ANO1: variants seen among roughly 807,000 people sequenced by gnomAD.
The protein encoded by ANO1 is anoctamin-1.
In ANO1, 59 loss-of-function variants were observed where a neutral mutation model predicts 124.0. That is an observed-to-expected ratio of 0.48 (90% CI 0.39 to 0.59). The LOEUF (loss-of-function observed/expected upper bound fraction) is 0.59. Among genes scored for constraint, ANO1 ranks in the 20% least tolerant of loss-of-function variants. The pLI, the probability that ANO1 is intolerant of heterozygous loss-of-function variation, is 0.00. For synonymous variants in ANO1, 529 were observed against 532.0 expected, an observed-to-expected ratio of 0.99 and a Z score of 0.08; for missense variants, 1,059 against 1,328.0, an observed-to-expected ratio of 0.80 and a Z score of 3.15.
chr11:70,184,103 A>G (rs2049022644), intron 24 of ANO1, among the ~76,000 whole-genome samples: 1 of 152,202 alleles, frequency 6.6e-6, no homozygotes, highest in African/African-American at 2.4e-5. Flanking sequence ...CAACAGGGGC[A>G]CAAACGGCCC....
At chr11:70,144,964 C>T (rs994459408) in intron 11 of ANO1, among the ~76,000 whole-genome samples, 14 of 152,170 alleles carry the variant, frequency 9.2e-5, no homozygotes, top group Non-Finnish European at 1.8e-4. Flanking sequence ...GGGAAAGCAC[C>T]GTGTCCAGCG....
chr11:70,151,674 C>T (rs994842409), intron 12 of ANO1, among the ~76,000 whole-genome samples: 1 of 152,058 alleles, frequency 6.6e-6, no homozygotes, highest in Non-Finnish European at 1.5e-5. Context: ...CCAAGGAGCC[C>T]GAATGAATTT....
chr11:70,006,068 G>A (rs1554999984), intron 1 of ANO1, among the ~76,000 whole-genome samples: 1 of 152,158 alleles, frequency 6.6e-6, no homozygotes, highest in African/African-American at 2.4e-5. Flanking sequence ...TGTGGGAAGA[G>A]ACATCTTCAG....
At chr11:70,003,346 A>G (rs1856420541) in intron 1 of ANO1, among the ~76,000 whole-genome samples, 1 of 152,192 alleles carries the variant, frequency 6.6e-6, no homozygotes, top group African/African-American at 2.4e-5. Flanking sequence ...CCTGTGGAAA[A>G]CAAGCTGTCT....
chr11:70,129,693 G>T (rs2515269), intron 10 of ANO1: 60,814 of 150,194 alleles, frequency 0.4, 13,306 homozygotes, highest in East Asian at 0.51. Flanking sequence ...GTGTGATCTC[G>T]ACTCAATGCA....
chr11:70,059,064 C>T (rs545096775), intron 1 of ANO1, among the ~76,000 whole-genome samples: 26 of 151,008 alleles, frequency 1.7e-4, no homozygotes, highest in African/African-American at 5.1e-4. Flanking sequence ...TGGTGGCGGG[C>T]GCCTGCAGTC....
At chr11:70,157,993 A>C (rs1302938185) in intron 16 of ANO1, among the ~76,000 whole-genome samples, 1 of 151,990 alleles carries the variant, frequency 6.6e-6, no homozygotes, top group Admixed American at 6.5e-5. Flanking sequence ...AAAAAAAAAA[A>C]AAAAAAAAAC....
chr11:70,111,187 G>A, intron 6 of ANO1: 1 of 457,816 alleles, frequency 2.2e-6, no homozygotes, highest in Non-Finnish European at 4.4e-6. Flanking sequence ...AATGTGGGAA[G>A]TATGGTAAGT....
At chr11:70,021,857 T>G (rs1403750792) in intron 1 of ANO1, among the ~76,000 whole-genome samples, 2 of 152,150 alleles carry the variant, frequency 1.3e-5, no homozygotes, top group African/African-American at 4.8e-5. Context: ...GGCAGGAGCG[T>G]GCGAACTGAA....
chr11:70,099,837 ACCACACAG>A (rs1379889614), intron 2 of ANO1, among the ~76,000 whole-genome samples: 4 of 152,112 alleles, frequency 2.6e-5, no homozygotes, highest in Admixed American at 2.6e-4. Context: ...CTCTGTGGAA[ACCACACAG>A]GGGCAGGGCA....
chr11:70,059,108 T>G (rs1591063654), intron 1 of ANO1, among the ~76,000 whole-genome samples: 1 of 145,896 alleles, frequency 6.9e-6, no homozygotes, highest in Admixed American at 6.8e-5. Flanking sequence ...AGGAGAATGG[T>G]GTGAACCAGG....
chr11:70,176,347 A>G (rs943914999), intron 22 of ANO1, among the ~76,000 whole-genome samples: 8 of 152,054 alleles, frequency 5.3e-5, no homozygotes, highest in East Asian at 1.9e-4. Flanking sequence ...AGGTTTCACC[A>G]TGTTGGCCAG....
At chr11:70,025,369 T>C (rs1856874846) in intron 1 of ANO1, among the ~76,000 whole-genome samples, 1 of 152,104 alleles carries the variant, frequency 6.6e-6, no homozygotes. Flanking sequence ...GTGGTGGTGG[T>C]GATTGTGATG....
chr11:70,134,382 C>T lies in ANO1; in HGVS notation c.1258+2303C>T, dbSNP rs139947989. Among the ~76,000 whole-genome samples the T allele has an allele frequency of 2.6e-3, 398 of 152,262 alleles. 1 individual carries two copies. Among genetic ancestry groups the T allele is most frequent in the African/African-American group, 9.2e-3 (383 of 41,536 alleles). On this transcript the variant is annotated intron_variant, in intron 11 of 25. Coordinates refer to ENST00000355303, the MANE Select transcript of ANO1 (RefSeq NM_018043.7). ...CCTGCTGTGGTCAGCCCTGCTGCCCCGTGTACATTTCTATAGCGCCCCCGG... is the reference window on the plus strand; with the variant it reads ...CCTGCTGTGGTCAGCCCTGCTGCCCTGTGTACATTTCTATAGCGCCCCCGG...
At chr11:70,172,055 G>T (rs2048491677) in intron 22 of ANO1, among the ~76,000 whole-genome samples, 1 of 150,688 alleles carries the variant, frequency 6.6e-6, no homozygotes, top group South Asian at 2.1e-4. Context: ...AGGAGGTCAA[G>T]GCTGCAGTGA....
intron 8 of ANO1, among the ~76,000 whole-genome samples, chr11:70,123,861 C>A (rs535214124): frequency 6.6e-6 from 1 of 152,208 alleles, no homozygotes; most frequent in Non-Finnish European, 1.5e-5. Context: ...CCACCAAACT[C>A]ATTACTGTCC....
At chr11:70,165,180 C>T (rs1246581565) in intron 19 of ANO1, among the ~76,000 whole-genome samples, 1 of 152,190 alleles carries the variant, frequency 6.6e-6, no homozygotes, top group Non-Finnish European at 1.5e-5. Flanking sequence ...GCCATGTTCA[C>T]GCTGCCTCTT....
intron 1 of ANO1, among the ~76,000 whole-genome samples, chr11:70,068,873 G>A (rs1002414206): frequency 2.6e-5 from 4 of 152,112 alleles, no homozygotes; most frequent in Non-Finnish European, 5.9e-5. Context: ...CAGCAGTAGG[G>A]AAGGAAGGCT....
At chr11:70,137,163 G>T (rs951334434) in intron 11 of ANO1, among the ~76,000 whole-genome samples, 1 of 147,210 alleles carries the variant, frequency 6.8e-6, no homozygotes, top group Non-Finnish European at 1.5e-5. Context: ...TAAATGTAGG[G>T]TCAGCAGCAG....
Sources: allele counts gnomAD v4.1 joint callset (sites outside exome capture counted in the v4.1 genomes callset), GRCh38; gene constraint gnomAD v4.1.1; transcripts MANE v1.5; gene names NCBI Gene and HGNC (gene_info 2026-07-23, HGNC 2026-07-21).